Variants in VKORC1L1 observed in about 807,000 individuals in gnomAD.
The protein encoded by VKORC1L1 is vitamin K epoxide reductase complex subunit 1-like protein 1.
Under a neutral mutation model 18.9 loss-of-function variants are expected in VKORC1L1, and 2 were observed. That is an observed-to-expected ratio of 0.11 (90% CI 0.04 to 0.33). The LOEUF is 0.33. VKORC1L1 is among the 10% of genes least tolerant of loss of function. The pLI is 1.00. For synonymous variants in VKORC1L1, 96 were observed against 100.0 expected (o/e 0.96, Z 0.24); for missense variants, 123 against 224.1 (o/e 0.55, Z 2.88).
chr7:65,925,338 C>A (rs1424911819), intron 1 of VKORC1L1, among the ~76,000 whole-genome samples: 1 of 152,190 alleles, frequency 6.6e-6, no homozygotes, highest in East Asian at 1.9e-4. Flanking sequence ...GTCAGTCTTA[C>A]TTCTTCAATC....
chr7:65,919,020 A>G (rs1006541488), intron 1 of VKORC1L1, among the ~76,000 whole-genome samples: 1 of 152,180 alleles, frequency 6.6e-6, no homozygotes, highest in Non-Finnish European at 1.5e-5. Flanking sequence ...GCTTGAATCC[A>G]GGAGATGAAG....
chr7:65,903,368 T>C (rs1448836057), intron 1 of VKORC1L1, among the ~76,000 whole-genome samples: 2 of 151,922 alleles, frequency 1.3e-5, no homozygotes, highest in Non-Finnish European at 2.9e-5. Context: ...GGTTTCACCA[T>C]GTTGGCCAGA....
chr7:65,873,596 G>C, intron 1 of VKORC1L1, 31 bp downstream of exon 1: 1 of 1,480,378 alleles, frequency 6.8e-7, no homozygotes, highest in Non-Finnish European at 9.0e-7. Flanking sequence ...GGCCAGGAGC[G>C]GCCGAGCGGG....
chr7:65,925,991 A>G (rs1789756561), intron 1 of VKORC1L1, among the ~76,000 whole-genome samples: 1 of 152,006 alleles, frequency 6.6e-6, no homozygotes, highest in Non-Finnish European at 1.5e-5. Flanking sequence ...ATGTACAGAT[A>G]TTGACCTTTG....
chr7:65,906,339 C>T (rs1789405872), intron 1 of VKORC1L1, among the ~76,000 whole-genome samples: 1 of 151,690 alleles, frequency 6.6e-6, no homozygotes. Flanking sequence ...CCACTCCACT[C>T]CAGCTTGGGT....
chr7:65,932,166 C>T (rs1789868897), intron 1 of VKORC1L1, among the ~76,000 whole-genome samples: 1 of 152,082 alleles, frequency 6.6e-6, no homozygotes, highest in African/African-American at 2.4e-5. Context: ...GGCACGAACT[C>T]AGCTCATGGC....
intron 1 of VKORC1L1, among the ~76,000 whole-genome samples, chr7:65,921,219 C>G: frequency 6.6e-6 from 1 of 152,018 alleles, no homozygotes; most frequent in Non-Finnish European, 1.5e-5. Flanking sequence ...TTTTATAGAC[C>G]TTTTATATGT....
chr7:65,912,590 C>T (rs1414617106), intron 1 of VKORC1L1, among the ~76,000 whole-genome samples: 1 of 152,156 alleles, frequency 6.6e-6, no homozygotes, highest in East Asian at 1.9e-4. Context: ...CTGAGGGCTC[C>T]AAGGAAGCTT....
At chr7:65,941,915 C>T (rs1051109517) in intron 1 of VKORC1L1, among the ~76,000 whole-genome samples, 8 of 151,988 alleles carry the variant, frequency 5.3e-5, no homozygotes, top group African/African-American at 1.9e-4. Context: ...CCTGCTTTGG[C>T]CTCCCAAAGT....
Position 65,914,147 on chromosome 7 carries a change from T to C in VKORC1L1, c.195-34524T>C, listed in dbSNP as rs369442140. ...TAATTTAATTTTTTGAGGCAGGGTCTCACTCTGTCACCCAGACTGGAGTGC... is the reference window on the plus strand; with the variant it reads ...TAATTTAATTTTTTGAGGCAGGGTCCCACTCTGTCACCCAGACTGGAGTGC... On this transcript the variant is annotated intron_variant, in intron 1 of 2. Transcript: ENST00000360768. Among the ~76,000 whole-genome samples, 18 of 152,338 alleles carry C rather than the reference T, an allele frequency of 1.2e-4. No homozygotes were observed. The East Asian group carries it at 2.1e-3, about 18-fold the overall frequency.
chr7:65,953,934 T>A, intron 2 of VKORC1L1, 140 bp from the exon 3 acceptor site: 1 of 705,050 alleles, frequency 1.4e-6, no homozygotes, highest in Non-Finnish European at 2.3e-6. Context: ...CAGAGCAGTA[T>A]TTCTGTTCTC....
At chr7:65,894,016 G>A (rs2116367334) in intron 1 of VKORC1L1, among the ~76,000 whole-genome samples, 1 of 151,718 alleles carries the variant, frequency 6.6e-6, no homozygotes, top group South Asian at 2.1e-4. Flanking sequence ...GTGCAATGGT[G>A]CGATCTCGGC....
chr7:65,898,224 T>A (rs1295677550), intron 1 of VKORC1L1, among the ~76,000 whole-genome samples: 1 of 151,268 alleles, frequency 6.6e-6, no homozygotes, highest in Admixed American at 6.6e-5. Flanking sequence ...AGTGTATGGG[T>A]TACAGGCGCC....
At chr7:65,890,293 G>T (rs1160844594) in intron 1 of VKORC1L1, among the ~76,000 whole-genome samples, 1 of 151,974 alleles carries the variant, frequency 6.6e-6, no homozygotes, top group Admixed American at 6.6e-5. Flanking sequence ...ACCACGCCCG[G>T]CTAATTTTTT....
rs1788760996 is a variant in VKORC1L1 at position 65,873,316 on chromosome 7, G to GGGC, written c.-46_-44dup. 7.7e-7 allele frequency: 1 copy of GGGC among 1,303,058 alleles called. No homozygotes were observed. The highest frequency in any genetic ancestry group is 2.9e-5 in the Admixed American group (1 of 34,624). 80.7% of individuals were successfully genotyped at this position (1,303,058 alleles called of 1,614,324 possible). A position where few individuals can be genotyped will look rare whatever the true frequency, so the allele number is the denominator to read the frequency against. On this transcript the variant is annotated 5_prime_UTR_variant, in exon 1 of 3. Transcript: ENST00000360768. Reference sequence around the variant, plus strand: ...GGTGGCGGCTGGGTCGGGCCCCGACGGGCGGCGGCGGCTGAGGTGGAGGCG... The same window carrying GGGC: ...GGTGGCGGCTGGGTCGGGCCCCGACGGGCGGCGGCGGCGGCTGAGGTGGAGGCG...
At chr7:65,944,256 T>C (rs545348434) in intron 1 of VKORC1L1, among the ~76,000 whole-genome samples, 1 of 151,910 alleles carries the variant, frequency 6.6e-6, no homozygotes, top group East Asian at 1.9e-4. Context: ...TAATCCCAGC[T>C]ACTTTAGGAG....
intron 2 of VKORC1L1, among the ~76,000 whole-genome samples, chr7:65,950,475 C>A (rs1214966998): frequency 6.6e-6 from 1 of 152,138 alleles, no homozygotes; most frequent in Non-Finnish European, 1.5e-5. Context: ...TGTAACTCTT[C>A]TATCTGAAAT....
intron 1 of VKORC1L1, among the ~76,000 whole-genome samples, chr7:65,908,670 T>C (rs1383330511): frequency 1.3e-5 from 2 of 151,504 alleles, no homozygotes; most frequent in Non-Finnish European, 2.9e-5. Context: ...ACCCCATCTC[T>C]ACTAAAAATA....
chr7:65,888,956 C>G (rs143283713), intron 1 of VKORC1L1, among the ~76,000 whole-genome samples: 3 of 151,994 alleles, frequency 2.0e-5, no homozygotes, highest in Non-Finnish European at 2.9e-5. Flanking sequence ...TGAGTAGTAC[C>G]CATAATCCAT....
Sources: allele counts gnomAD v4.1 joint callset (sites outside exome capture counted in the v4.1 genomes callset), GRCh38; gene constraint gnomAD v4.1.1; transcripts MANE v1.5; gene names NCBI Gene and HGNC (gene_info 2026-07-23, HGNC 2026-07-21).